The following TRPS1 variants were observed in gnomAD, a reference collection of about 807,000 sequenced individuals.
The protein encoded by TRPS1 is zinc finger transcription factor Trps1.
In TRPS1, 6 loss-of-function variants were observed where a neutral mutation model predicts 101.2. The observed-to-expected ratio is 0.06, with a 90% CI of 0.03 to 0.12. The LOEUF is 0.12. Ranked by LOEUF, TRPS1 falls within the 10% of genes least tolerant of loss-of-function variation. The probability of loss-of-function intolerance (pLI) is 1.00; values close to 1 mark genes in which losing one functional copy is unlikely to be tolerated. For missense variants in TRPS1, 1,363 were observed against 1,567.0 expected (o/e 0.87, Z 2.20); for synonymous variants, 578 against 589.8 (o/e 0.98, Z 0.29).
At chr8:115,554,608 G>A (rs902430760) in intron 5 of TRPS1, among the ~76,000 whole-genome samples, 1 of 152,112 alleles carries the variant, frequency 6.6e-6, no homozygotes, top group Non-Finnish European at 1.5e-5. Flanking sequence ...TGACCAATGA[G>A]GATTGCACCG....
In TRPS1 at chr8:115,619,458, T is replaced by C. The variant is rs147577571; in HGVS notation, c.640A>G (p.Lys214Glu). 4 of 1,614,084 alleles carry C rather than the reference T, an allele frequency of 2.5e-6. No individual in the cohort carries two copies. Among genetic ancestry groups the C allele is most frequent in the Non-Finnish European group, 3.4e-6 (4 of 1,180,042 alleles). The change falls in exon 3 of 7, where the codon AAA becomes GAA. Residue 214 changes from lysine (K) to glutamate (E), a missense_variant. Transcript: ENST00000395715. ...SDGGVRLNKS[K>E]TDLLVNDNPD... ...TTGTCATTCACCAGTAAGTCAGTTT[T>C]GGATTTATTCAGTCTTACACCCCCA... is the stretch of plus-strand genomic sequence containing the variant.
chr8:115,469,464 C>G (rs1396446392), intron 5 of TRPS1, among the ~76,000 whole-genome samples: 1 of 152,110 alleles, frequency 6.6e-6, no homozygotes, highest in African/African-American at 2.4e-5. Context: ...ATTGCTTCTT[C>G]TCAAAGAATA....
intron 4 of TRPS1, 146 bp downstream of exon 4, chr8:115,603,727 G>C: frequency 1.1e-6 from 1 of 951,438 alleles, no homozygotes; most frequent in Non-Finnish European, 1.6e-6. Flanking sequence ...CTGCAAATCT[G>C]TGATGAACTT....
chr8:115,628,648 G>A (rs1024170270), intron 1 of TRPS1, among the ~76,000 whole-genome samples: 1 of 151,826 alleles, frequency 6.6e-6, no homozygotes, highest in Non-Finnish European at 1.5e-5. Context: ...AGTTGGATAA[G>A]TAACAGGCTT....
intron 5 of TRPS1, among the ~76,000 whole-genome samples, chr8:115,575,165 A>G (rs1342227506): frequency 6.6e-6 from 1 of 152,148 alleles, no homozygotes; most frequent in African/African-American, 2.4e-5. Context: ...AAACATACTA[A>G]AAGTGGCACT....
At chr8:115,459,030 G>A (rs1000958351) in intron 5 of TRPS1, among the ~76,000 whole-genome samples, 2 of 152,102 alleles carry the variant, frequency 1.3e-5, no homozygotes, top group Non-Finnish European at 2.9e-5. Flanking sequence ...TTCACGTCTT[G>A]GAGGTTGTAA....
chr8:115,590,985 C>G (rs1432978641), intron 4 of TRPS1, among the ~76,000 whole-genome samples: 2 of 151,862 alleles, frequency 1.3e-5, no homozygotes, highest in East Asian at 3.9e-4. Context: ...ATTTTTAAAA[C>G]CAAGCTTATG....
chr8:115,567,253 A>G (rs1382403325), intron 5 of TRPS1, among the ~76,000 whole-genome samples: 4 of 152,166 alleles, frequency 2.6e-5, no homozygotes, highest in African/African-American at 9.7e-5. Context: ...CATGGACAGA[A>G]AAACTCAGTA....
intron 1 of TRPS1, among the ~76,000 whole-genome samples, chr8:115,665,147 G>T (rs945674862): frequency 2.0e-5 from 3 of 152,104 alleles, no homozygotes; most frequent in African/African-American, 7.2e-5. Flanking sequence ...ATGTTTAAAG[G>T]TCAGTTATCA....
chr8:115,554,527 A>G (rs1045503385), intron 5 of TRPS1, among the ~76,000 whole-genome samples: 2 of 152,178 alleles, frequency 1.3e-5, no homozygotes, highest in South Asian at 2.1e-4. Context: ...AAACTGAACA[A>G]TGCTTCATTC....
chr8:115,609,871 C>A (rs1441906878), intron 3 of TRPS1, among the ~76,000 whole-genome samples: 4 of 152,130 alleles, frequency 2.6e-5, no homozygotes, highest in South Asian at 2.1e-4. Context: ...TACACACACA[C>A]AAAAATGTTT....
chr8:115,486,207 G>A (rs1017428880), intron 5 of TRPS1, among the ~76,000 whole-genome samples: 1 of 152,116 alleles, frequency 6.6e-6, no homozygotes, highest in African/African-American at 2.4e-5. Context: ...GGTGATGTGT[G>A]ATCTGTGATC....
intron 1 of TRPS1, among the ~76,000 whole-genome samples, chr8:115,663,721 G>GAAAAA (rs1201864123): frequency 0.02 from 1,504 of 76,740 alleles, 36 homozygotes; most frequent in African/African-American, 0.049. Flanking sequence ...CTTGGAAAAG[G>GAAAAA]AAAAAAAAAA....
chr8:115,644,694 C>G (rs1360901506), intron 1 of TRPS1, among the ~76,000 whole-genome samples: 3 of 152,212 alleles, frequency 2.0e-5, no homozygotes, highest in Non-Finnish European at 4.4e-5. Flanking sequence ...TGGCTTCTCT[C>G]TTTTTCAGCA....
At chr8:115,507,845 C>T (rs1390913558) in intron 5 of TRPS1, among the ~76,000 whole-genome samples, 1 of 152,024 alleles carries the variant, frequency 6.6e-6, no homozygotes, top group Non-Finnish European at 1.5e-5. Context: ...GAGGGTGAAG[C>T]TTCTGCCTAG....
At chr8:115,570,687 A>ACT (rs1336827798) in intron 5 of TRPS1, among the ~76,000 whole-genome samples, 5 of 38,500 alleles carry the variant, frequency 1.3e-4, no homozygotes, top group African/African-American at 2.4e-4. Context: ...ACACACACAC[A>ACT]CTCACACACA....
At chr8:115,526,527 T>C (rs531595744) in intron 5 of TRPS1, among the ~76,000 whole-genome samples, 6 of 152,196 alleles carry the variant, frequency 3.9e-5, no homozygotes, top group African/African-American at 1.4e-4. Context: ...ACATCTACAA[T>C]TTGGACAAAA....
At chr8:115,515,227 C>T in intron 5 of TRPS1, 1 of 697,424 alleles carries the variant, frequency 1.4e-6, no homozygotes. Context: ...CAATGGAGAT[C>T]TGGTTTTCTC....
intron 5 of TRPS1, among the ~76,000 whole-genome samples, chr8:115,496,007 G>A (rs1293876832): frequency 3.9e-5 from 6 of 151,992 alleles, no homozygotes; most frequent in African/African-American, 7.2e-5. Flanking sequence ...TTGAGTCCTC[G>A]TTCTACCACT....
Sources: allele counts gnomAD v4.1 joint callset (sites outside exome capture counted in the v4.1 genomes callset), GRCh38; gene constraint gnomAD v4.1.1; transcripts MANE v1.5; gene names NCBI Gene and HGNC (gene_info 2026-07-23, HGNC 2026-07-21).